WDR4: variants seen among roughly 807,000 people sequenced by gnomAD.
The protein encoded by WDR4 is WDR4 tRNA N7-guanosine methyltransferase non-catalytic subunit.
In WDR4, 47 loss-of-function variants were observed where a neutral mutation model predicts 48.6. That is an observed-to-expected ratio of 0.97 (90% CI 0.77 to 1.23). The LOEUF is 1.23. Ranked by LOEUF, WDR4 falls within the 50% of genes most tolerant of loss-of-function variation. The probability of loss-of-function intolerance (pLI) is 0.00; values close to 1 mark genes in which losing one functional copy is unlikely to be tolerated. For missense variants in WDR4, 606 were observed against 551.6 expected, an observed-to-expected ratio of 1.10 and a Z score of -0.99; for synonymous variants, 268 against 230.0, an observed-to-expected ratio of 1.17 and a Z score of -1.49.
intron 5 of WDR4, among the ~76,000 whole-genome samples, chr21:42,860,954 C>T (rs1446560264): frequency 6.6e-6 from 1 of 152,156 alleles, no homozygotes; most frequent in Non-Finnish European, 1.5e-5. Flanking sequence ...AGCAGAAACA[C>T]ACCTCCAGCC....
In WDR4 at chr21:42,850,023, G is replaced by T. The variant is rs371860340; in HGVS notation, c.*26C>A. The T allele has an allele frequency of 2.5e-6, 4 of 1,606,000 alleles. 1 individual carries two copies. In the Admixed American group the frequency reaches 7.1e-5, roughly 28 times the overall value. On this transcript the variant is annotated 3_prime_UTR_variant, in exon 11 of 11. Coordinates refer to ENST00000398208, the MANE Select transcript of WDR4 (RefSeq NM_018669.6). Reference sequence around the variant, plus strand: ...GTTAAAAAGCTTTTCCTAATTTGAGGTGAGAGACACCACTGACCGCCACGA... The same window carrying T: ...GTTAAAAAGCTTTTCCTAATTTGAGTTGAGAGACACCACTGACCGCCACGA...
chr21:42,856,123 C>T (rs2057984169), intron 6 of WDR4, among the ~76,000 whole-genome samples: 1 of 152,234 alleles, frequency 6.6e-6, no homozygotes, highest in South Asian at 2.1e-4. Context: ...TGTGCCCGGG[C>T]CGGGCATAGA....
At chr21:42,879,565 A>G (rs2058586602), upstream of WDR4, 2 of 1,574,328 alleles carry the variant, frequency 1.3e-6, no homozygotes, top group Admixed American at 1.7e-5. Flanking sequence ...CCGGTCGGTG[A>G]CGCCAGGCGC....
At position 42,850,231 on chromosome 21, in the gene WDR4, C is replaced by T. The variant is rs200755631; in HGVS notation, c.1057G>A (p.Ala353Thr). 48 of 1,594,526 alleles carry T rather than the reference C, an allele frequency of 3.0e-5. No homozygotes were observed. The South Asian group carries it at 3.0e-4, about 10-fold the overall frequency. Reference sequence around the variant, plus strand: ...TAGAGACTGCTGAAGCTGGCGTCTGCGCCGGCAGAGCCTGTGATGGGGGAA... The same window carrying T: ...TAGAGACTGCTGAAGCTGGCGTCTGTGCCGGCAGAGCCTGTGATGGGGGAA... ...NWAMLEGSAG[A>T]DASFSSLYKA... Residue 353 changes from alanine (A) to threonine (T), a missense_variant, in exon 11 of 11, where the codon GCA becomes ACA. By Grantham distance (58) the Ala-to-Thr change is moderately conservative. Transcript: ENST00000398208.
intron 3 of WDR4, among the ~76,000 whole-genome samples, chr21:42,872,798 A>T (rs1417888416): frequency 6.6e-6 from 1 of 151,910 alleles, no homozygotes; most frequent in East Asian, 1.9e-4. Flanking sequence ...TTAGCCGGGC[A>T]TGGTGGCAAG....
chr21:42,873,469 T>A, intron 3 of WDR4, 82 bp downstream of exon 3: 5 of 1,566,366 alleles, frequency 3.2e-6, no homozygotes, highest in Middle Eastern at 1.9e-4. Flanking sequence ...CTTATCACCA[T>A]GTTATGGTCA....
the WDR4 span, among the ~76,000 whole-genome samples, chr21:42,891,217 G>A: frequency 7.9e-5 from 12 of 152,152 alleles, no homozygotes; most frequent in East Asian, 2.3e-3. Context: ...AGCTACTGGG[G>A]AGGCTGAGGC....
At chr21:42,877,720 T>C (rs959144565) in intron 1 of WDR4, among the ~76,000 whole-genome samples, 1 of 152,138 alleles carries the variant, frequency 6.6e-6, no homozygotes, top group African/African-American at 2.4e-5. Context: ...GCTATTCTTT[T>C]AGGCACCACA....
chr21:42,862,461 GGAA>G lies in WDR4; in HGVS notation c.454-70_454-68del, dbSNP rs1319460467. On this transcript the variant is annotated intron_variant, in intron 4 of 10. Coordinates refer to ENST00000398208, the MANE Select transcript of WDR4 (RefSeq NM_018669.6). The surrounding 1 kb of genome is among the most constrained non-coding windows in gnomAD (Gnocchi z 4.3). Reference sequence around the variant, plus strand: ...AGTCTTCCCGAATCAAGTCCCTCATGGAAGAAGGCAGGGAAGCTGCAGCCTGGC... The same window carrying G: ...AGTCTTCCCGAATCAAGTCCCTCATGGAAGGCAGGGAAGCTGCAGCCTGGC... 3.5e-6 allele frequency: 5 copies of G among 1,448,122 alleles called. No individual in the cohort carries two copies. The highest frequency in any genetic ancestry group is 4.9e-5 in the East Asian group (2 of 40,472). The allele number at this position is 1,448,122 out of a possible 1,614,324, so 89.7% of individuals were successfully genotyped here.
At chr21:42,843,655 C>G (rs2057685741) in intron 11 of WDR4, among the ~76,000 whole-genome samples, 1 of 151,942 alleles carries the variant, frequency 6.6e-6, no homozygotes, top group East Asian at 1.9e-4. Context: ...CTCACTGCAA[C>G]CTCCGCCTCC....
upstream of WDR4, among the ~76,000 whole-genome samples, chr21:42,881,609 TC>T (rs2058611619): frequency 6.6e-6 from 1 of 152,152 alleles, no homozygotes; most frequent in Non-Finnish European, 1.5e-5. Flanking sequence ...TCACCATTTG[TC>T]CACCTCCCGT....
chr21:42,865,899 C>A (rs1211877395), intron 3 of WDR4, among the ~76,000 whole-genome samples: 1 of 152,114 alleles, frequency 6.6e-6, no homozygotes, highest in Non-Finnish European at 1.5e-5. Context: ...ACTGAGTTGG[C>A]ACTGCCCCAA....
intron 5 of WDR4, among the ~76,000 whole-genome samples, chr21:42,861,033 C>T (rs989460885): frequency 6.6e-4 from 101 of 152,080 alleles, no homozygotes; most frequent in Non-Finnish European, 1.2e-4. Flanking sequence ...ACGGGCAGGC[C>T]GGGCACGGTG....
intron 5 of WDR4, among the ~76,000 whole-genome samples, chr21:42,860,149 G>A (rs1041523874): frequency 1.3e-5 from 2 of 152,062 alleles, no homozygotes; most frequent in Non-Finnish European, 2.9e-5. Flanking sequence ...TCAAAGACAC[G>A]GGGGAGACTC....
At chr21:42,859,515 G>T in intron 6 of WDR4, 147 bp downstream of exon 6, 1 of 820,444 alleles carries the variant, frequency 1.2e-6, no homozygotes, top group Non-Finnish European at 1.9e-6. Flanking sequence ...GGCGGGGAGC[G>T]AGCCGCAGGC....
At chr21:42,871,322 A>G (rs192376153) in intron 3 of WDR4, among the ~76,000 whole-genome samples, 1 of 152,356 alleles carries the variant, frequency 6.6e-6, no homozygotes, top group East Asian at 1.9e-4. Context: ...TCTTCTTTCA[A>G]CACTGAGAGG....
upstream of WDR4, among the ~76,000 whole-genome samples, chr21:42,881,426 C>A (rs1414664310): frequency 6.6e-6 from 1 of 152,154 alleles, no homozygotes; most frequent in Non-Finnish European, 1.5e-5. Context: ...TTTTTAACCA[C>A]ACTCTTTTCT....
intron 6 of WDR4, 95 bp downstream of exon 6, chr21:42,859,567 A>AGCGATCCACAGGGGCCG: frequency 7.4e-7 from 1 of 1,360,268 alleles, no homozygotes; most frequent in Non-Finnish European, 1.0e-6. Context: ...GCCAGGGGCC[A>AGCGATCCACAGGGGCCG]GCGATCCACA....
intron 9 of WDR4, among the ~76,000 whole-genome samples, 175 bp from the exon 10 acceptor site, chr21:42,852,499 T>G (rs1426398980): frequency 2.0e-5 from 3 of 152,348 alleles, no homozygotes; most frequent in Middle Eastern, 6.8e-3. Context: ...AGCTGGCCCA[T>G]GATGCCAGGG....
Sources: gnomAD v4.1 joint callset for allele counts (sites outside exome capture counted in the v4.1 genomes callset) on GRCh38, gnomAD v4.1.1 for gene constraint, Gnocchi (gnomAD v3.1) non-coding constraint, MANE v1.5 for transcripts, NCBI Gene and HGNC (gene_info 2026-07-23, HGNC 2026-07-21) for gene names.